SLC25A26: variants seen among roughly 807,000 people sequenced by gnomAD.
SLC25A26 encodes mitochondrial S-adenosylmethionine carrier protein.
SLC25A26 carries 36 observed loss-of-function variants against 37.8 expected under a neutral mutation model. That is an observed-to-expected ratio of 0.95 (90% CI 0.73 to 1.26). The LOEUF (loss-of-function observed/expected upper bound fraction) is 1.26. Ranked by LOEUF, SLC25A26 falls within the 50% of genes most tolerant of loss-of-function variation. SLC25A26 has a pLI of 0.00. For missense variants in SLC25A26, 390 were observed against 331.1 expected (o/e 1.18, Z -1.38); for synonymous variants, 129 against 122.5 (o/e 1.05, Z -0.35).
intron 3 of SLC25A26, among the ~76,000 whole-genome samples, chr3:66,256,472 A>G (rs1445976681): frequency 6.6e-6 from 1 of 152,196 alleles, no homozygotes; most frequent in East Asian, 1.9e-4. Context: ...TGAAATAATA[A>G]TAAATGTGAA....
At chr3:66,360,366 A>G (rs1196502411) in intron 6 of SLC25A26, among the ~76,000 whole-genome samples, 1 of 152,222 alleles carries the variant, frequency 6.6e-6, no homozygotes, top group Admixed American at 6.5e-5. Context: ...GCATACCATT[A>G]TTCTGAAGGT....
chr3:66,202,531 G>GAAA (rs1177179044), intron 1 of SLC25A26, among the ~76,000 whole-genome samples: 19 of 86,506 alleles, frequency 2.2e-4, no homozygotes, highest in Non-Finnish European at 2.8e-4. Context: ...AAAGTAAAAT[G>GAAA]AAAAAAAAAA....
At chr3:66,271,474 A>AG (rs2073957050) in intron 5 of SLC25A26, among the ~76,000 whole-genome samples, 1 of 152,156 alleles carries the variant, frequency 6.6e-6, no homozygotes, top group East Asian at 1.9e-4. Context: ...ACTATGAAGA[A>AG]GGGGAAGGGC....
intron 1 of SLC25A26, among the ~76,000 whole-genome samples, chr3:66,148,519 C>T (rs1202575945): frequency 6.6e-6 from 1 of 152,172 alleles, no homozygotes; most frequent in African/African-American, 2.4e-5. Flanking sequence ...CCAGTGAAAG[C>T]CTTAGGCCCT....
rs778318252 is a variant in SLC25A26 at position 66,298,809 on chromosome 3, T to C, written c.453+35430T>C. On this transcript the variant is annotated intron_variant, in intron 5 of 9. Coordinates refer to ENST00000354883, the MANE Select transcript of SLC25A26 (RefSeq NM_001379210.1). ...TCAAGAAAGCATTACAGGATGACGTTGCTATTTGGAGAATTGCTTTCATCT... is the reference window on the plus strand; with the variant it reads ...TCAAGAAAGCATTACAGGATGACGTCGCTATTTGGAGAATTGCTTTCATCT... Among the ~76,000 whole-genome samples the C allele has an allele frequency of 6.2e-4, 94 of 152,232 alleles. 3 individuals are homozygous for C. Among genetic ancestry groups the C allele is most frequent in the Non-Finnish European group, 5.1e-4 (35 of 68,042 alleles).
At chr3:66,204,239 C>A (rs1390131045) in intron 1 of SLC25A26, among the ~76,000 whole-genome samples, 4 of 151,880 alleles carry the variant, frequency 2.6e-5, no homozygotes, top group Non-Finnish European at 5.9e-5. Flanking sequence ...TCCTGGCTAA[C>A]ACGGTGAAAC....
intron 9 of SLC25A26, among the ~76,000 whole-genome samples, chr3:66,375,964 CTTCA>C (rs1350463562): frequency 6.6e-6 from 1 of 151,070 alleles, no homozygotes; most frequent in African/African-American, 2.4e-5. Context: ...ACATTAGTGG[CTTCA>C]TAGGAGGTCA....
At chr3:66,151,484 GA>G (rs1252649273) in intron 1 of SLC25A26, among the ~76,000 whole-genome samples, 1 of 152,070 alleles carries the variant, frequency 6.6e-6, no homozygotes, top group African/African-American at 2.4e-5. Flanking sequence ...CGGTTCAAGG[GA>G]AAAAAATAAC....
chr3:66,277,744 G>A (rs1420358895), intron 5 of SLC25A26, among the ~76,000 whole-genome samples: 6 of 152,036 alleles, frequency 3.9e-5, no homozygotes, highest in Non-Finnish European at 7.4e-5. Context: ...TTTTATCCAA[G>A]TGATCAAGAT....
intron 5 of SLC25A26, among the ~76,000 whole-genome samples, chr3:66,334,973 T>C (rs985775703): frequency 2.6e-5 from 4 of 152,248 alleles, no homozygotes; most frequent in Non-Finnish European, 4.4e-5. Flanking sequence ...CATTCTATTT[T>C]CTATCTCTCC....
In SLC25A26 at chr3:66,378,427, CCT is replaced by C. The variant is rs1206587059; in HGVS notation, c.*621_*622del. On this transcript the variant is annotated 3_prime_UTR_variant, in exon 10 of 10. Transcript: ENST00000354883. Reference sequence around the variant, plus strand: ...TTTTACAGAGATGTGTCCAGCGCCCCCTGTGGTGTGTGAGAGAAAGCAGCTGC... The same window carrying C: ...TTTTACAGAGATGTGTCCAGCGCCCCGTGGTGTGTGAGAGAAAGCAGCTGC... 6.6e-6 allele frequency: 1 copy of C among 152,658 alleles called. No homozygotes were observed. The highest frequency in any genetic ancestry group is 2.4e-5 in the African/African-American group (1 of 41,444). 9.5% of individuals were successfully genotyped at this position (152,658 alleles called of 1,614,324 possible).
intron 5 of SLC25A26, among the ~76,000 whole-genome samples, chr3:66,294,798 C>G (rs2074840918): frequency 6.6e-6 from 1 of 152,180 alleles, no homozygotes; most frequent in African/African-American, 2.4e-5. Flanking sequence ...TTACTGATTA[C>G]CACACGTAAT....
chr3:66,205,085 G>C (rs2071160144), intron 1 of SLC25A26, among the ~76,000 whole-genome samples: 1 of 152,180 alleles, frequency 6.6e-6, no homozygotes, highest in Non-Finnish European at 1.5e-5. Flanking sequence ...AGATTAAGTT[G>C]TGCAACACAG....
intron 5 of SLC25A26, 49 bp from the exon 6 acceptor site, chr3:66,346,315 C>T (rs770023674): frequency 2.3e-5 from 23 of 1,000,726 alleles, no homozygotes; most frequent in Non-Finnish European, 3.1e-5. Flanking sequence ...TACAGGCAAA[C>T]TTGGCTCTTT....
chr3:66,362,919 A>C lies in SLC25A26; in HGVS notation c.558A>C (p.Gly186=). ...VVDSWQSAVC[G]AFAGGFAAAV... Reference sequence around the variant, plus strand: ...ATTCTTGGCAGTCAGCAGTCTGTGGAGCTTTTGCAGGTGCAAAGGATTATA... The same window carrying C: ...ATTCTTGGCAGTCAGCAGTCTGTGGCGCTTTTGCAGGTGCAAAGGATTATA... Residue 186 remains glycine (G), a synonymous_variant, in exon 7 of 10, where the codon GGA becomes GGC. Transcript: ENST00000354883. 1 of 1,605,406 alleles carries C rather than the reference A, an allele frequency of 6.2e-7. No individual in the cohort carries two copies. Among genetic ancestry groups the C allele is most frequent in the South Asian group, 1.1e-5 (1 of 89,056 alleles).
chr3:66,152,072 G>T (rs558913615), intron 1 of SLC25A26, among the ~76,000 whole-genome samples: 1 of 152,236 alleles, frequency 6.6e-6, no homozygotes, highest in South Asian at 2.1e-4. Context: ...GCTTATCATT[G>T]TCTCCCTATC....
At chr3:66,230,810 AAAAAAAAAAC>A (rs1576668972) in intron 1 of SLC25A26, among the ~76,000 whole-genome samples, 2 of 136,298 alleles carry the variant, frequency 1.5e-5, no homozygotes, top group Non-Finnish European at 3.0e-5. Flanking sequence ...TGTCTCAAAA[AAAAAAAAAAC>A]AAAAAAAAAC....
intron 5 of SLC25A26, among the ~76,000 whole-genome samples, chr3:66,313,694 T>C (rs983087940): frequency 6.6e-6 from 1 of 152,246 alleles, no homozygotes; most frequent in Non-Finnish European, 1.5e-5. Flanking sequence ...GCATTGAATC[T>C]ATAAATTACT....
At chr3:66,159,824 C>A (rs953773244) in intron 1 of SLC25A26, among the ~76,000 whole-genome samples, 1 of 152,060 alleles carries the variant, frequency 6.6e-6, no homozygotes, top group African/African-American at 2.4e-5. Flanking sequence ...CTATCTCATT[C>A]AGGTCCCAGG....
Sources: allele counts gnomAD v4.1 joint callset (sites outside exome capture counted in the v4.1 genomes callset), GRCh38; gene constraint gnomAD v4.1.1; transcripts MANE v1.5; gene names NCBI Gene and HGNC (gene_info 2026-07-23, HGNC 2026-07-21).